RBFOX1: variants seen among roughly 807,000 people sequenced by gnomAD.
RBFOX1 encodes RNA binding fox-1 homolog 1, also known as RNA binding protein fox-1 homolog 1.
RBFOX1 carries 8 observed loss-of-function variants against 57.7 expected under a neutral mutation model. The ratio of observed to expected loss-of-function variants is 0.14; its 90% CI spans 0.08 to 0.25. The LOEUF (loss-of-function observed/expected upper bound fraction) is 0.25. Among genes scored for constraint, RBFOX1 ranks in the 10% least tolerant of loss-of-function variants. The probability of loss-of-function intolerance (pLI) is 1.00; values close to 1 mark genes in which losing one functional copy is unlikely to be tolerated. For synonymous variants in RBFOX1, 326 were observed against 222.4 expected (o/e 1.47, Z -4.15); for missense variants, 611 against 548.5 (o/e 1.11, Z -1.14).
intron 4 of RBFOX1, among the ~76,000 whole-genome samples, chr16:7,329,864 T>C (rs2144113030): frequency 6.6e-6 from 1 of 152,356 alleles, no homozygotes; most frequent in African/African-American, 2.4e-5. Flanking sequence ...CTATCCTGTA[T>C]GTAATATATC....
chr16:6,115,543 GT>G (rs745505857), intron 1 of RBFOX1, among the ~76,000 whole-genome samples: 1 of 152,104 alleles, frequency 6.6e-6, no homozygotes, highest in Non-Finnish European at 1.5e-5. Flanking sequence ...CATAACGTCT[GT>G]TTTTTTTCCC....
chr16:6,531,861 A>G lies in RBFOX1; in HGVS notation c.-63-122742A>G, dbSNP rs979401630. ...GGGACAGTCTCAACTTTGTGGACCA[A>G]TTAGGGCTCATTGGTTGCAAGCAAC... On this transcript the variant is annotated intron_variant, in intron 2 of 15. Transcript: ENST00000550418. Among the ~76,000 whole-genome samples the G allele has an allele frequency of 5.9e-5, 9 of 152,220 alleles. 1 individual carries two copies. Among genetic ancestry groups the G allele is most frequent in the African/African-American group, 2.2e-4 (9 of 41,464 alleles).
At chr16:6,078,045 G>T (rs1042674810) in intron 1 of RBFOX1, among the ~76,000 whole-genome samples, 1 of 152,172 alleles carries the variant, frequency 6.6e-6, no homozygotes, top group Non-Finnish European at 1.5e-5. Flanking sequence ...TAACACACCA[G>T]TTATCAGGAG....
At chr16:6,860,887 C>T (rs1308908052) in intron 3 of RBFOX1, among the ~76,000 whole-genome samples, 1 of 151,826 alleles carries the variant, frequency 6.6e-6, no homozygotes, top group South Asian at 2.1e-4. Flanking sequence ...ATAGATATTC[C>T]AAAATATACA....
chr16:5,926,543 A>G (rs772908044), intron 4 of RBFOX1, among the ~76,000 whole-genome samples: 4 of 152,186 alleles, frequency 2.6e-5, no homozygotes, highest in Non-Finnish European at 5.9e-5. Flanking sequence ...GCCCACTGAC[A>G]GAAGGAGATT....
At chr16:5,608,766 G>A (rs937119007) in intron 3 of RBFOX1, among the ~76,000 whole-genome samples, 2 of 152,214 alleles carry the variant, frequency 1.3e-5, no homozygotes, top group African/African-American at 4.8e-5. Flanking sequence ...CCTATCCTCT[G>A]AAGGTAGCTG....
At chr16:5,408,219 A>G (rs2066916027) in intron 1 of RBFOX1, among the ~76,000 whole-genome samples, 1 of 152,188 alleles carries the variant, frequency 6.6e-6, no homozygotes, top group Non-Finnish European at 1.5e-5. Context: ...CCAGCTTGGC[A>G]AAACCTCAGC....
chr16:7,399,575 G>A (rs757280292), intron 4 of RBFOX1, among the ~76,000 whole-genome samples: 6 of 152,196 alleles, frequency 3.9e-5, no homozygotes, highest in Admixed American at 1.3e-4. Context: ...CTCTGGTGGT[G>A]TCTGTCAATA....
intron 2 of RBFOX1, among the ~76,000 whole-genome samples, chr16:6,517,558 A>G (rs2096404972): frequency 6.6e-6 from 1 of 152,120 alleles, no homozygotes; most frequent in Admixed American, 6.6e-5. Flanking sequence ...GTGAGGATTT[A>G]TATTCAAGGA....
chr16:5,976,760 T>C (rs1316781115), intron 4 of RBFOX1, among the ~76,000 whole-genome samples: 1 of 151,322 alleles, frequency 6.6e-6, no homozygotes, highest in African/African-American at 2.5e-5. Flanking sequence ...TCCCAGCTAC[T>C]TGGGGGGCTT....
chr16:5,856,288 C>CATAT (rs2057053424), intron 3 of RBFOX1, among the ~76,000 whole-genome samples: 1 of 15,158 alleles, frequency 6.6e-5, no homozygotes, highest in African/African-American at 1.9e-4. Flanking sequence ...TATATATACA[C>CATAT]ACACACACAC....
chr16:6,518,575 A>G (rs1157817716), intron 2 of RBFOX1, among the ~76,000 whole-genome samples: 1 of 152,186 alleles, frequency 6.6e-6, no homozygotes, highest in East Asian at 1.9e-4. Context: ...CTGGGAAAAC[A>G]TCCTGGGAAG....
chr16:7,455,338 G>T (rs1334044367), intron 4 of RBFOX1, among the ~76,000 whole-genome samples: 1 of 152,042 alleles, frequency 6.6e-6, no homozygotes, highest in Non-Finnish European at 1.5e-5. Flanking sequence ...TCTCATCCTT[G>T]TGGAATGCAT....
chr16:7,375,360 C>G (rs141301712), intron 4 of RBFOX1, among the ~76,000 whole-genome samples: 46 of 152,208 alleles, frequency 3.0e-4, no homozygotes, highest in African/African-American at 8.2e-4. Context: ...ATAGCAGTAA[C>G]TACTTAGGGT....
At chr16:5,736,286 T>C (rs1487939831) in intron 3 of RBFOX1, among the ~76,000 whole-genome samples, 1 of 152,192 alleles carries the variant, frequency 6.6e-6, no homozygotes, top group Non-Finnish European at 1.5e-5. Context: ...TATAGGGCTT[T>C]AGAATTCTGA....
At chr16:6,367,778 C>A (rs1396871578) in intron 2 of RBFOX1, among the ~76,000 whole-genome samples, 1 of 150,852 alleles carries the variant, frequency 6.6e-6, no homozygotes, top group Non-Finnish European at 1.5e-5. Context: ...GAAAATGATG[C>A]CAGGAGCAGA....
chr16:5,403,010 G>T (rs2066756748), intron 1 of RBFOX1, among the ~76,000 whole-genome samples: 1 of 152,186 alleles, frequency 6.6e-6, no homozygotes, highest in Non-Finnish European at 1.5e-5. Flanking sequence ...GTGCATGCAT[G>T]CATGCACACA....
chr16:6,624,772 G>T (rs1026467398), intron 2 of RBFOX1, among the ~76,000 whole-genome samples: 6 of 152,158 alleles, frequency 3.9e-5, no homozygotes, highest in Non-Finnish European at 8.8e-5. Flanking sequence ...TGTCAAGTCA[G>T]TGAAGGCAAT....
At chr16:7,650,728 T>A (rs560858660) in intron 11 of RBFOX1, among the ~76,000 whole-genome samples, 16 of 152,346 alleles carry the variant, frequency 1.1e-4, no homozygotes, top group African/African-American at 3.8e-4. Flanking sequence ...CCGTGTTTCC[T>A]CACACAGGCA....
Sources: allele counts gnomAD v4.1 joint callset (sites outside exome capture counted in the v4.1 genomes callset), GRCh38; gene constraint gnomAD v4.1.1; transcripts MANE v1.5; gene names NCBI Gene and HGNC (gene_info 2026-07-23, HGNC 2026-07-21).